The following PARD3B variants were observed in gnomAD, a reference collection of about 807,000 sequenced individuals.
PARD3B encodes par-3 family cell polarity regulator beta.
PARD3B carries 103 observed loss-of-function variants against 130.2 expected under a neutral mutation model. That is an observed-to-expected ratio of 0.79 (90% confidence interval 0.67 to 0.93). PARD3B has a LOEUF of 0.93. Ranked by LOEUF, PARD3B falls within the 40% of genes least tolerant of loss-of-function variation. The pLI is 0.00. For synonymous variants in PARD3B, 583 were observed against 553.2 expected, an observed-to-expected ratio of 1.05 and a Z score of -0.76; for missense variants, 1,609 against 1,499.2, an observed-to-expected ratio of 1.07 and a Z score of -1.21.
chr2:205,158,799 A>G lies in PARD3B; in HGVS notation c.1512A>G (p.Ser504=). 6.2e-7 allele frequency: 1 copy of G among 1,614,154 alleles called. No individual in the cohort carries two copies. The highest frequency in any genetic ancestry group is 8.5e-7 in the Non-Finnish European group (1 of 1,179,988). ...CCTTTGAGATCCCCCTGAATGATTC[A>G]GGTTCTGCTGGCCTCGGGGTGAGCT... The part of the protein sequence containing the change: ...QLTFEIPLND[S]GSAGLGVSLK... Residue 504 remains serine, a synonymous_variant, in exon 11 of 23, where the codon TCA becomes TCG. Transcript: ENST00000406610. The surrounding 1 kb of genome is among the most constrained non-coding windows in gnomAD (Gnocchi z 5.4).
At chr2:205,181,575 G>A (rs1188147683) in intron 13 of PARD3B, among the ~76,000 whole-genome samples, 1 of 152,168 alleles carries the variant, frequency 6.6e-6, no homozygotes, top group Admixed American at 6.5e-5. Context: ...AAACAAATAG[G>A]CATGGCTATT....
At chr2:204,726,495 GTT>G (rs1402594638) in intron 2 of PARD3B, among the ~76,000 whole-genome samples, 2 of 152,100 alleles carry the variant, frequency 1.3e-5, no homozygotes, top group African/African-American at 4.8e-5. Context: ...CTCCCTCAAT[GTT>G]GGCGTCAAGG....
At chr2:205,333,827 T>C (rs2043217922) in intron 18 of PARD3B, among the ~76,000 whole-genome samples, 1 of 152,150 alleles carries the variant, frequency 6.6e-6, no homozygotes, top group African/African-American at 2.4e-5. Context: ...TGGGCCTGTT[T>C]TTTTTTCCTT....
chr2:204,723,380 C>T (rs1574817085), intron 2 of PARD3B, among the ~76,000 whole-genome samples: 2 of 151,918 alleles, frequency 1.3e-5, no homozygotes, highest in South Asian at 4.1e-4. Context: ...AAAAAATTAG[C>T]TTAATTATGT....
intron 4 of PARD3B, among the ~76,000 whole-genome samples, chr2:205,052,596 C>A (rs1699302012): frequency 6.6e-6 from 1 of 151,296 alleles, no homozygotes; most frequent in African/African-American, 2.4e-5. Flanking sequence ...TCTATTACTT[C>A]AGATTTTAAA....
chr2:205,513,765 T>A (rs1464432889), intron 21 of PARD3B, among the ~76,000 whole-genome samples: 1 of 151,972 alleles, frequency 6.6e-6, no homozygotes, highest in Non-Finnish European at 1.5e-5. Context: ...GAATAAGGGG[T>A]TCATGTCTGC....
At chr2:205,511,740 A>AT (rs2050595802) in intron 21 of PARD3B, among the ~76,000 whole-genome samples, 1 of 152,182 alleles carries the variant, frequency 6.6e-6, no homozygotes, top group Non-Finnish European at 1.5e-5. Flanking sequence ...GAAGATATGA[A>AT]TATCTATCTA....
At chr2:205,528,384 G>C (rs1045360416) in intron 21 of PARD3B, among the ~76,000 whole-genome samples, 3 of 152,120 alleles carry the variant, frequency 2.0e-5, no homozygotes, top group African/African-American at 7.2e-5. Flanking sequence ...GCCCAGATGG[G>C]TAACTGAGGC....
At chr2:204,619,301 T>C (rs1305724484) in intron 1 of PARD3B, among the ~76,000 whole-genome samples, 5 of 152,120 alleles carry the variant, frequency 3.3e-5, no homozygotes, top group Non-Finnish European at 5.9e-5. Context: ...TGAGGGATGG[T>C]TTCAGGAGAA....
At chr2:204,639,421 A>C (rs1053802651) in intron 1 of PARD3B, among the ~76,000 whole-genome samples, 1 of 152,176 alleles carries the variant, frequency 6.6e-6, no homozygotes, top group Non-Finnish European at 1.5e-5. Flanking sequence ...ATACTTCTAT[A>C]TAAACAGGTG....
intron 4 of PARD3B, among the ~76,000 whole-genome samples, chr2:205,086,691 G>A (rs1701761798): frequency 1.3e-5 from 2 of 152,170 alleles, no homozygotes; most frequent in Admixed American, 6.5e-5. Flanking sequence ...AATGGAGAGA[G>A]AAATTAATCT....
rs1575219517 is a variant in PARD3B at position 204,887,922 on chromosome 2, G to A, written c.223-77230G>A. On this transcript the variant is annotated intron_variant, in intron 2 of 22. Transcript: ENST00000406610. This position sits in a 1 kb window ranked among gnomAD's most constrained non-coding sequence, Gnocchi z 4.2. ...AGAAGCCAGAAAAGTCCTTAGAGAG[G>A]AGGTGAAATTTGAGCTGATTCTTGA... Among the ~76,000 whole-genome samples, 1 of 152,134 alleles carries A rather than the reference G, an allele frequency of 6.6e-6. No individual in the cohort carries two copies. The highest frequency in any genetic ancestry group is 2.1e-4 in the South Asian group (1 of 4,820).
intron 2 of PARD3B, among the ~76,000 whole-genome samples, chr2:204,701,969 C>A (rs1356712740): frequency 6.6e-6 from 1 of 152,102 alleles, no homozygotes; most frequent in East Asian, 1.9e-4. Flanking sequence ...TGTTTAGCTC[C>A]CACTTACAAG....
chr2:205,150,177 T>C (rs1040197644), intron 10 of PARD3B, among the ~76,000 whole-genome samples: 1 of 151,214 alleles, frequency 6.6e-6, no homozygotes, highest in Non-Finnish European at 1.5e-5. Context: ...CTAAATGAAA[T>C]TCACAAGATT....
intron 1 of PARD3B, among the ~76,000 whole-genome samples, chr2:204,667,941 G>A (rs1430830779): frequency 6.6e-6 from 1 of 152,176 alleles, no homozygotes; most frequent in Non-Finnish European, 1.5e-5. Context: ...GCCTAACGAG[G>A]TGTATATATA....
chr2:205,202,059 C>G (rs960220379), intron 15 of PARD3B, among the ~76,000 whole-genome samples: 3 of 152,176 alleles, frequency 2.0e-5, no homozygotes, highest in Admixed American at 6.5e-5. Flanking sequence ...CAGATAGTTT[C>G]CAGCACCTCC....
At chr2:205,302,137 C>G (rs1394092473) in intron 18 of PARD3B, among the ~76,000 whole-genome samples, 2 of 123,828 alleles carry the variant, frequency 1.6e-5, no homozygotes, top group African/African-American at 6.2e-5. Context: ...GGCGTGATCT[C>G]GGCTCACTGC....
chr2:205,264,494 CTT>C (rs1044652326), intron 16 of PARD3B, among the ~76,000 whole-genome samples: 3 of 150,902 alleles, frequency 2.0e-5, no homozygotes, highest in African/African-American at 4.9e-5. Context: ...GTTAAATTGA[CTT>C]ATATATTTAT....
intron 7 of PARD3B, among the ~76,000 whole-genome samples, chr2:205,119,608 A>G (rs2030405121): frequency 6.6e-6 from 1 of 152,018 alleles, no homozygotes; most frequent in Non-Finnish European, 1.5e-5. Flanking sequence ...GTGAAACCCC[A>G]TCTCTACTAA....
Sources: gnomAD v4.1 joint callset for allele counts (sites outside exome capture counted in the v4.1 genomes callset) on GRCh38, gnomAD v4.1.1 for gene constraint, Gnocchi (gnomAD v3.1) non-coding constraint, MANE v1.5 for transcripts, NCBI Gene and HGNC (gene_info 2026-07-23, HGNC 2026-07-21) for gene names.